The following AFF2 variants were observed in gnomAD, a reference collection of about 807,000 sequenced individuals.
AFF2 encodes the protein AF4/FMR2 family member 2.
A neutral mutation model predicts 76.9 loss-of-function variants in AFF2; 14 were observed. That is an observed-to-expected ratio of 0.18 (90% confidence interval 0.12 to 0.28). The LOEUF (loss-of-function observed/expected upper bound fraction) is 0.28, where lower values mean the gene tolerates loss of function less well. Ranked by LOEUF, AFF2 falls within the 10% of genes least tolerant of loss-of-function variation. The probability of loss-of-function intolerance (pLI) is 1.00; values close to 1 mark genes in which losing one functional copy is unlikely to be tolerated. For missense variants in AFF2, 868 were observed against 1,001.1 expected, an observed-to-expected ratio of 0.87 and a Z score of 1.79; for synonymous variants, 398 against 366.7, an observed-to-expected ratio of 1.09 and a Z score of -0.98.
chrX:148,773,750 A>AAGAAAGAAAG, intron 3 of AFF2, among the ~76,000 whole-genome samples: 2 of 99,475 alleles, frequency 2.0e-5, no homozygotes, highest in Non-Finnish European at 4.2e-5. Flanking sequence ...AAGAAAGAGA[A>AAGAAAGAAAG]AGAAAGAAGG....
At chrX:148,920,817 G>A (rs1156386291) in intron 9 of AFF2, among the ~76,000 whole-genome samples, 1 of 111,289 alleles carries the variant, frequency 9.0e-6, no homozygotes, top group Non-Finnish European at 1.9e-5. Flanking sequence ...TTTTGCCTAT[G>A]GAATATCAGA....
chrX:148,793,072 C>T (rs910018485), intron 3 of AFF2, among the ~76,000 whole-genome samples: 2 of 111,854 alleles, frequency 1.8e-5, no homozygotes, highest in Non-Finnish European at 3.8e-5. Context: ...TTCCAAATTG[C>T]TAGCATTATA....
intron 4 of AFF2, among the ~76,000 whole-genome samples, chrX:148,830,701 A>G (rs2070443333): frequency 9.0e-6 from 1 of 111,595 alleles, no homozygotes; most frequent in Admixed American, 9.5e-5. Flanking sequence ...TCACAAGGTA[A>G]TAAAATGTCA....
At chrX:148,503,618 A>G (rs1232886808) in intron 1 of AFF2, among the ~76,000 whole-genome samples, 1 of 112,594 alleles carries the variant, frequency 8.9e-6, no homozygotes, top group Non-Finnish European at 1.9e-5. Flanking sequence ...TCCTAGACAT[A>G]ATGAAGAAAG....
chrX:148,833,273 G>A (rs2070477929), intron 4 of AFF2, among the ~76,000 whole-genome samples: 2 of 111,342 alleles, frequency 1.8e-5, no homozygotes, highest in East Asian at 2.8e-4. Context: ...GGCAGTGAAC[G>A]CTTCAAAAAG....
At chrX:148,726,440 T>C (rs2055156045) in intron 3 of AFF2, among the ~76,000 whole-genome samples, 1 of 111,769 alleles carries the variant, frequency 8.9e-6, no homozygotes, top group Non-Finnish European at 1.9e-5. Context: ...ACCAGTCAAG[T>C]GCCCAGACTT....
intron 16 of AFF2, among the ~76,000 whole-genome samples, chrX:148,976,586 A>G (rs1166073851): frequency 1.8e-5 from 2 of 112,007 alleles, no homozygotes; most frequent in Admixed American, 1.9e-4. Context: ...TTAGAGGGTG[A>G]GTGTAATGTG....
Position 148,840,370 on chromosome X carries a change from G to A in AFF2, c.1174-2596G>A, listed in dbSNP as rs556369641. Among the ~76,000 whole-genome samples, 39 of 112,073 alleles carry A rather than the reference G, an allele frequency of 3.5e-4. No individual in the cohort carries two copies. In the East Asian group the frequency reaches 6.2e-3, roughly 18 times the overall value. ...AACCCAGTCACACCCACTTATTTACGCATTGTCCATGACTGCTTTCACACT... is the reference window on the plus strand; with the variant it reads ...AACCCAGTCACACCCACTTATTTACACATTGTCCATGACTGCTTTCACACT... On this transcript the variant is annotated intron_variant, in intron 5 of 20. Transcript: ENST00000370460.
Position 148,970,301 on chromosome X carries a change from G to T in AFF2, c.3267+2609G>T, listed in dbSNP as rs2072234001. ...TTGTAAAAAGTCATTTACAATAAAA[G>T]ATTCTGCAGGACCTCTAGCTAATCA... On this transcript the variant is annotated intron_variant, in intron 15 of 20. Transcript: ENST00000370460. 2.7e-5 allele frequency among the ~76,000 whole-genome samples: 3 copies of T among 112,005 alleles called. No homozygotes were observed. The Admixed American group carries it at 2.8e-4, about 11-fold the overall frequency.
At chrX:148,819,105 C>G (rs2070299321) in intron 4 of AFF2, among the ~76,000 whole-genome samples, 1 of 110,995 alleles carries the variant, frequency 9.0e-6, no homozygotes, top group Non-Finnish European at 1.9e-5. Flanking sequence ...GAAGCAAGTA[C>G]TATTATCATC....
chrX:148,597,067 C>G (rs2053580164), intron 1 of AFF2, among the ~76,000 whole-genome samples: 1 of 111,741 alleles, frequency 8.9e-6, no homozygotes, highest in African/African-American at 3.3e-5. Context: ...TCTGGCTTAC[C>G]CTATTTTCTA....
intron 3 of AFF2, among the ~76,000 whole-genome samples, chrX:148,799,861 A>AT (rs1195572273): frequency 1.8e-4 from 19 of 108,538 alleles, no homozygotes; most frequent in South Asian, 3.9e-4. Flanking sequence ...GTTTCTTAAC[A>AT]TTTTTTTTTT....
intron 1 of AFF2, among the ~76,000 whole-genome samples, chrX:148,638,874 T>C (rs1557254279): frequency 8.9e-6 from 1 of 112,020 alleles, no homozygotes; most frequent in Non-Finnish European, 1.9e-5. Context: ...CAAAGAAAGC[T>C]ACTCTCTAAA....
chrX:148,820,871 T>A (rs2070320408), intron 4 of AFF2, among the ~76,000 whole-genome samples: 1 of 111,659 alleles, frequency 9.0e-6, no homozygotes, highest in African/African-American at 3.3e-5. Context: ...GTAACCAGGA[T>A]AGTGGGTAGT....
At chrX:148,605,697 A>C (rs1218832563) in intron 1 of AFF2, among the ~76,000 whole-genome samples, 1 of 112,249 alleles carries the variant, frequency 8.9e-6, no homozygotes, top group Non-Finnish European at 1.9e-5. Flanking sequence ...AGGAGCCAGC[A>C]CAAAAGAGCA....
At chrX:148,598,377 C>G (rs1462693928) in intron 1 of AFF2, among the ~76,000 whole-genome samples, 1 of 111,136 alleles carries the variant, frequency 9.0e-6, no homozygotes, top group Admixed American at 9.5e-5. Context: ...GTCCCCTTCC[C>G]CCTCCCCATA....
At chrX:148,659,345 G>C (rs1409809465) in intron 2 of AFF2, among the ~76,000 whole-genome samples, 2 of 112,234 alleles carry the variant, frequency 1.8e-5, no homozygotes, top group Non-Finnish European at 3.8e-5. Context: ...AATTTGACTA[G>C]CTTGCTTGTA....
At chrX:148,721,508 T>C (rs1389138712) in intron 3 of AFF2, among the ~76,000 whole-genome samples, 2 of 112,232 alleles carry the variant, frequency 1.8e-5, no homozygotes, top group Non-Finnish European at 3.8e-5. Flanking sequence ...AGATAGAACA[T>C]TGGATAAATA....
intron 3 of AFF2, among the ~76,000 whole-genome samples, chrX:148,778,723 A>T (rs2069701364): frequency 9.1e-6 from 1 of 110,235 alleles, no homozygotes; most frequent in African/African-American, 3.3e-5. Context: ...TATTGTGTTG[A>T]TTTGATTCTT....
Sources: allele counts gnomAD v4.1 joint callset (sites outside exome capture counted in the v4.1 genomes callset), GRCh38; gene constraint gnomAD v4.1.1; transcripts MANE v1.5; gene names NCBI Gene and HGNC (gene_info 2026-07-23, HGNC 2026-07-21).